Variants in SCFD2 observed in about 807,000 individuals in gnomAD.
SCFD2 encodes the protein sec1 family domain-containing protein 2.
In SCFD2, 54 loss-of-function variants were observed where a neutral mutation model predicts 58.9. The ratio of observed to expected loss-of-function variants is 0.92; its 90% CI spans 0.74 to 1.15. SCFD2 has a LOEUF of 1.15. Ranked by LOEUF, SCFD2 falls within the 50% of genes most tolerant of loss-of-function variation. SCFD2 has a pLI of 0.00. For synonymous variants in SCFD2, 321 were observed against 335.9 expected (o/e 0.96, Z 0.49); for missense variants, 805 against 836.6 (o/e 0.96, Z 0.47).
chr4:52,985,551 T>C (rs1017236705), intron 5 of SCFD2, among the ~76,000 whole-genome samples: 11 of 151,900 alleles, frequency 7.2e-5, no homozygotes, highest in African/African-American at 2.2e-4. Flanking sequence ...TCTAGCACCA[T>C]ATAGCAGCAT....
chr4:53,312,292 G>C (rs1361960006), intron 3 of SCFD2, among the ~76,000 whole-genome samples: 1 of 152,128 alleles, frequency 6.6e-6, no homozygotes, highest in South Asian at 2.1e-4. Context: ...TACAAATTAG[G>C]ATGATTTTAT....
At chr4:53,128,049 TAAA>T (rs34739040) in intron 5 of SCFD2, among the ~76,000 whole-genome samples, 42,280 of 111,310 alleles carry the variant, frequency 0.38, 7,100 homozygotes, top group Middle Eastern at 0.47. Context: ...GGCCATGTCC[TAAA>T]AAAAAAAAAA....
chr4:53,091,145 A>G (rs903177527), intron 5 of SCFD2, among the ~76,000 whole-genome samples: 6 of 152,116 alleles, frequency 3.9e-5, no homozygotes, highest in Non-Finnish European at 8.8e-5. Context: ...TGAGAGAAAA[A>G]TCTTCCATAT....
chr4:52,990,633 G>A (rs1324659825), intron 5 of SCFD2, among the ~76,000 whole-genome samples: 1 of 152,158 alleles, frequency 6.6e-6, no homozygotes, highest in Non-Finnish European at 1.5e-5. Flanking sequence ...TGGGTATTTT[G>A]AGACTTGGAA....
intron 5 of SCFD2, among the ~76,000 whole-genome samples, chr4:53,072,036 G>A (rs1017406557): frequency 6.6e-6 from 1 of 152,108 alleles, no homozygotes; most frequent in African/African-American, 2.4e-5. Flanking sequence ...CTTCAGTGGT[G>A]TATACCCCAC....
chr4:53,319,950 G>A (rs1732978017), intron 2 of SCFD2, among the ~76,000 whole-genome samples: 1 of 152,186 alleles, frequency 6.6e-6, no homozygotes. Flanking sequence ...CACTGGAAGT[G>A]CCAATGGGCT....
At chr4:53,310,253 A>T (rs933975691) in intron 3 of SCFD2, among the ~76,000 whole-genome samples, 1 of 152,222 alleles carries the variant, frequency 6.6e-6, no homozygotes, top group Non-Finnish European at 1.5e-5. Flanking sequence ...TCTTTCAAGA[A>T]CTCTGGCTAC....
At chr4:53,054,654 T>G (rs76498526) in intron 5 of SCFD2, among the ~76,000 whole-genome samples, 1 of 151,618 alleles carries the variant, frequency 6.6e-6, no homozygotes, top group Non-Finnish European at 1.5e-5. Flanking sequence ...GTTTTTTTTT[T>G]GTTTGTTTTT....
At chr4:52,916,842 C>T (rs1719622409) in intron 6 of SCFD2, among the ~76,000 whole-genome samples, 1 of 152,202 alleles carries the variant, frequency 6.6e-6, no homozygotes, top group African/African-American at 2.4e-5. Context: ...GTTACAATGG[C>T]TGTGACAGCA....
intron 3 of SCFD2, among the ~76,000 whole-genome samples, chr4:53,288,869 G>T (rs73250952): frequency 0.04 from 6,114 of 152,282 alleles, 157 homozygotes; most frequent in Middle Eastern, 0.071. Flanking sequence ...TACTATAATG[G>T]TGGTGTGTAA....
chr4:53,229,915 A>C (rs1204288485), intron 4 of SCFD2, among the ~76,000 whole-genome samples: 1 of 152,234 alleles, frequency 6.6e-6, no homozygotes, highest in East Asian at 1.9e-4. Flanking sequence ...GAACTCAAAC[A>C]AATTTACAAG....
At chr4:53,172,804 G>T (rs1191725236) in intron 4 of SCFD2, among the ~76,000 whole-genome samples, 1 of 152,170 alleles carries the variant, frequency 6.6e-6, no homozygotes, top group Non-Finnish European at 1.5e-5. Context: ...TGAAAAGAAT[G>T]TGCATTCTGT....
intron 3 of SCFD2, among the ~76,000 whole-genome samples, chr4:53,290,443 A>G (rs1450138049): frequency 1.3e-5 from 2 of 152,182 alleles, no homozygotes; most frequent in Non-Finnish European, 2.9e-5. Context: ...TGGAAACAAA[A>G]TGTATCTTAC....
chr4:52,992,528 G>A (rs898454982), intron 5 of SCFD2, among the ~76,000 whole-genome samples: 54 of 144,356 alleles, frequency 3.7e-4, no homozygotes, highest in Admixed American at 2.8e-4. Flanking sequence ...CGGCCACCCA[G>A]TCTGGCAAGT....
intron 1 of SCFD2, 40 bp from the exon 2 acceptor site, chr4:53,352,806 G>A (rs745400475): frequency 6.5e-7 from 1 of 1,548,864 alleles, no homozygotes; most frequent in Non-Finnish European, 8.9e-7. Context: ...CATAAAATGG[G>A]AGGAAAAAGC....
chr4:53,289,738 C>G (rs930593229), intron 3 of SCFD2, among the ~76,000 whole-genome samples: 6 of 152,046 alleles, frequency 3.9e-5, no homozygotes, highest in Admixed American at 3.3e-4. Flanking sequence ...ACAAAAGACC[C>G]ATTTTAGCTT....
At chr4:52,890,244 T>C (rs186447928) in intron 7 of SCFD2, among the ~76,000 whole-genome samples, 1 of 152,246 alleles carries the variant, frequency 6.6e-6, no homozygotes, top group East Asian at 1.9e-4. Context: ...GAATCCAAAG[T>C]ACATTGGGAG....
intron 4 of SCFD2, among the ~76,000 whole-genome samples, chr4:53,179,838 A>G (rs1727481425): frequency 6.6e-6 from 1 of 152,226 alleles, no homozygotes; most frequent in African/African-American, 2.4e-5. Flanking sequence ...AAAAAAAGGC[A>G]GGGGTTGCAA....
chr4:53,358,861 C>T (rs1734472001), intron 1 of SCFD2, among the ~76,000 whole-genome samples: 1 of 152,200 alleles, frequency 6.6e-6, no homozygotes. Flanking sequence ...GGTGTCCAAA[C>T]TCTGGGTAGT....
Sources: allele counts gnomAD v4.1 joint callset (sites outside exome capture counted in the v4.1 genomes callset), GRCh38; gene constraint gnomAD v4.1.1; transcripts MANE v1.5; gene names NCBI Gene and HGNC (gene_info 2026-07-23, HGNC 2026-07-21).